Variants in LDLRAD3 observed in about 807,000 individuals in gnomAD.
LDLRAD3 encodes the protein low density lipoprotein receptor class A domain containing 3.
Under a neutral mutation model 29.4 loss-of-function variants are expected in LDLRAD3, and 20 were observed. That is an observed-to-expected ratio of 0.68 (90% CI 0.48 to 0.99). The LOEUF is 0.99. Ranked by LOEUF, LDLRAD3 falls within the 50% of genes least tolerant of loss-of-function variation. The pLI, the probability that LDLRAD3 is intolerant of heterozygous loss-of-function variation, is 0.00. For missense variants in LDLRAD3, 420 were observed against 454.3 expected, an observed-to-expected ratio of 0.92 and a Z score of 0.69; for synonymous variants, 157 against 192.7, an observed-to-expected ratio of 0.81 and a Z score of 1.53.
At chr11:36,155,937 G>A (rs1235804785) in intron 4 of LDLRAD3, among the ~76,000 whole-genome samples, 1 of 152,174 alleles carries the variant, frequency 6.6e-6, no homozygotes, top group Admixed American at 6.5e-5. Flanking sequence ...CACCTGCAGG[G>A]CTCTGTGGAG....
At chr11:36,144,801 A>AG (rs1232254086) in intron 4 of LDLRAD3, among the ~76,000 whole-genome samples, 1 of 85,972 alleles carries the variant, frequency 1.2e-5, no homozygotes, top group African/African-American at 6.4e-5. Flanking sequence ...TCCGGGAGGG[A>AG]GGTGGGGGGG....
chr11:36,036,278 G>T, intron 2 of LDLRAD3, 29 bp downstream of exon 2: 1 of 1,613,456 alleles, frequency 6.2e-7, no homozygotes, highest in Non-Finnish European at 8.5e-7. Context: ...TGCTGGGGTG[G>T]GGTGGCAGCC....
chr11:35,948,599 C>T (rs752569903), intron 1 of LDLRAD3, among the ~76,000 whole-genome samples: 62 of 152,208 alleles, frequency 4.1e-4, no homozygotes, highest in Non-Finnish European at 6.5e-4. Context: ...TTTGATATGC[C>T]GTATTTGCTC....
chr11:36,046,799 A>G (rs576165621), intron 2 of LDLRAD3, among the ~76,000 whole-genome samples: 18 of 152,326 alleles, frequency 1.2e-4, no homozygotes, highest in African/African-American at 3.6e-4. Context: ...GAATATCGCT[A>G]TTAATTGTTT....
chr11:36,020,919 T>C (rs1241056980), intron 1 of LDLRAD3, among the ~76,000 whole-genome samples: 3 of 152,168 alleles, frequency 2.0e-5, no homozygotes, highest in Non-Finnish European at 4.4e-5. Flanking sequence ...AAGCCATTAG[T>C]GCCAAAGAGG....
chr11:36,011,602 G>C (rs1390918923), intron 1 of LDLRAD3, among the ~76,000 whole-genome samples: 2 of 152,074 alleles, frequency 1.3e-5, no homozygotes, highest in Admixed American at 6.5e-5. Context: ...TTGAAAGGGT[G>C]GAGAGAGAAC....
intron 4 of LDLRAD3, among the ~76,000 whole-genome samples, chr11:36,222,140 G>A (rs1215885230): frequency 6.6e-6 from 1 of 152,194 alleles, no homozygotes; most frequent in African/African-American, 2.4e-5. Context: ...CATGGTCATA[G>A]CTCGCTGCAG....
chr11:36,094,866 TGC>T (rs1853336229), intron 3 of LDLRAD3, among the ~76,000 whole-genome samples: 1 of 152,230 alleles, frequency 6.6e-6, no homozygotes, highest in Admixed American at 6.5e-5. Flanking sequence ...TTTTTAATTT[TGC>T]AAATAATGGC....
At chr11:36,102,882 A>G (rs1480264988) in intron 4 of LDLRAD3, among the ~76,000 whole-genome samples, 1 of 151,900 alleles carries the variant, frequency 6.6e-6, no homozygotes, top group East Asian at 1.9e-4. Flanking sequence ...GTGGCGGGCA[A>G]CCTCTGATGA....
intron 4 of LDLRAD3, among the ~76,000 whole-genome samples, chr11:36,141,670 A>G (rs1480358703): frequency 6.6e-6 from 1 of 152,208 alleles, no homozygotes; most frequent in African/African-American, 2.4e-5. Context: ...GATGTACGCT[A>G]ACCCATATAG....
intron 4 of LDLRAD3, among the ~76,000 whole-genome samples, chr11:36,147,562 G>T (rs1854216368): frequency 6.6e-6 from 1 of 152,162 alleles, no homozygotes; most frequent in Admixed American, 6.5e-5. Context: ...GGCACCAGGG[G>T]TTAGAACATG....
At chr11:36,073,557 G>A (rs1198780400) in intron 2 of LDLRAD3, among the ~76,000 whole-genome samples, 1 of 152,264 alleles carries the variant, frequency 6.6e-6, no homozygotes, top group Non-Finnish European at 1.5e-5. Context: ...TGCAGGCAGG[G>A]AGCAGCTGAC....
Position 36,231,608 on chromosome 11 carries a change from A to G in LDLRAD3, c.*2211A>G, listed in dbSNP as rs1179805774. On this transcript the variant is annotated 3_prime_UTR_variant, in exon 6 of 6. Coordinates refer to ENST00000315571, the MANE Select transcript of LDLRAD3 (RefSeq NM_174902.4). ...TCTGCTTCCAGGCATCTTAGGAAAA[A>G]CAAATGGTTTTAGTAGATAAGGGAT... 1 of 152,206 alleles carries G rather than the reference A, an allele frequency of 6.6e-6. No individual in the cohort carries two copies. The highest frequency in any genetic ancestry group is 6.5e-5 in the Admixed American group (1 of 15,280). 9.4% of individuals were successfully genotyped at this position (152,206 alleles called of 1,614,324 possible).
At chr11:36,150,784 GGAAA>G (rs55925459) in intron 4 of LDLRAD3, among the ~76,000 whole-genome samples, 54,149 of 151,326 alleles carry the variant, frequency 0.36, 10,020 homozygotes, top group African/African-American at 0.45. Context: ...AAATTAAAAA[GGAAA>G]GAAAGAAAGA....
chr11:36,078,158 T>C (rs1265329659), intron 2 of LDLRAD3, among the ~76,000 whole-genome samples: 1 of 152,094 alleles, frequency 6.6e-6, no homozygotes, highest in Non-Finnish European at 1.5e-5. Flanking sequence ...AGGAAGTGCA[T>C]GCTGATTAAT....
At chr11:35,955,271 A>G (rs1851187583) in intron 1 of LDLRAD3, among the ~76,000 whole-genome samples, 1 of 152,200 alleles carries the variant, frequency 6.6e-6, no homozygotes, top group Non-Finnish European at 1.5e-5. Context: ...AAAAAACAGT[A>G]TTAAACACAT....
At chr11:35,977,338 C>G (rs1159285601) in intron 1 of LDLRAD3, among the ~76,000 whole-genome samples, 1 of 152,124 alleles carries the variant, frequency 6.6e-6, no homozygotes, top group African/African-American at 2.4e-5. Context: ...ATCCCATTGG[C>G]CAAAACGCAG....
intron 1 of LDLRAD3, among the ~76,000 whole-genome samples, chr11:35,956,289 C>T (rs1851200104): frequency 6.6e-6 from 1 of 152,114 alleles, no homozygotes; most frequent in South Asian, 2.1e-4. Context: ...GAGTGGAGAC[C>T]AGCCTGTGCA....
intron 4 of LDLRAD3, among the ~76,000 whole-genome samples, chr11:36,226,038 G>C (rs936125332): frequency 6.6e-6 from 1 of 151,730 alleles, no homozygotes; most frequent in African/African-American, 2.4e-5. Context: ...CTGCACTCCA[G>C]CCTGGGTGAC....
Sources: allele counts gnomAD v4.1 joint callset (sites outside exome capture counted in the v4.1 genomes callset), GRCh38; gene constraint gnomAD v4.1.1; transcripts MANE v1.5; gene names NCBI Gene and HGNC (gene_info 2026-07-23, HGNC 2026-07-21).